Variants in NRG1 observed in about 807,000 individuals in gnomAD.
NRG1 encodes the protein neuregulin 1.
A neutral mutation model predicts 63.8 loss-of-function variants in NRG1; 18 were observed. That is an observed-to-expected ratio of 0.28 (90% CI 0.19 to 0.42). The LOEUF is 0.42. Ranked by LOEUF, NRG1 falls within the 10% of genes least tolerant of loss-of-function variation. The pLI is 1.00. For synonymous variants in NRG1, 302 were observed against 301.3 expected, an observed-to-expected ratio of 1.00 and a Z score of -0.02; for missense variants, 762 against 814.7, an observed-to-expected ratio of 0.94 and a Z score of 0.79.
chr8:31,767,154 T>C (rs1463233047), intron 1 of NRG1, among the ~76,000 whole-genome samples: 2 of 152,168 alleles, frequency 1.3e-5, no homozygotes, highest in Non-Finnish European at 2.9e-5. Context: ...TGACCGCCAT[T>C]GTGAGTAGGC....
chr8:32,588,644 C>T (rs1842033425), intron 1 of NRG1, among the ~76,000 whole-genome samples: 1 of 152,176 alleles, frequency 6.6e-6, no homozygotes, highest in Non-Finnish European at 1.5e-5. Context: ...TTCATATACA[C>T]ATCGTTGGAT....
At chr8:32,644,093 T>A (rs2129546205) in intron 5 of NRG1, among the ~76,000 whole-genome samples, 1 of 152,168 alleles carries the variant, frequency 6.6e-6, no homozygotes. Flanking sequence ...AAATTTAAGA[T>A]AAATATGGAC....
chr8:32,426,423 C>T (rs1817379821), intron 1 of NRG1, among the ~76,000 whole-genome samples: 1 of 152,064 alleles, frequency 6.6e-6, no homozygotes, highest in South Asian at 2.1e-4. Context: ...TTTTCTGACG[C>T]AAAATATTGT....
intron 7 of NRG1, among the ~76,000 whole-genome samples, chr8:32,748,090 C>T (rs182239660): frequency 2.0e-5 from 3 of 152,190 alleles, no homozygotes; most frequent in Admixed American, 2.0e-4. Context: ...CCAGCACACT[C>T]ATCTCCTGCT....
At chr8:32,376,113 G>A (rs191931268) in intron 1 of NRG1, among the ~76,000 whole-genome samples, 109 of 152,104 alleles carry the variant, frequency 7.2e-4, no homozygotes, top group Non-Finnish European at 1.9e-4. Flanking sequence ...ATAAAACTAG[G>A]TATAACAATG....
chr8:32,376,078 T>A (rs1006196017), intron 1 of NRG1, among the ~76,000 whole-genome samples: 1 of 152,218 alleles, frequency 6.6e-6, no homozygotes, highest in Non-Finnish European at 1.5e-5. Flanking sequence ...ATCTTATTTC[T>A]TTTCAAAGGA....
At chr8:32,383,059 TAA>T (rs56030067) in intron 1 of NRG1, among the ~76,000 whole-genome samples, 23 of 126,448 alleles carry the variant, frequency 1.8e-4, no homozygotes, top group African/African-American at 2.6e-4. Flanking sequence ...TCGTCCCTAC[TAA>T]AAAAAAAAAA....
intron 1 of NRG1, among the ~76,000 whole-genome samples, chr8:31,936,218 A>T (rs1835287430): frequency 6.6e-6 from 1 of 152,240 alleles, no homozygotes; most frequent in Non-Finnish European, 1.5e-5. Context: ...CTATTTAAGT[A>T]TTAAGTATAT....
intron 1 of NRG1, among the ~76,000 whole-genome samples, chr8:32,210,462 G>A (rs1197292472): frequency 3.3e-5 from 5 of 152,186 alleles, no homozygotes. Flanking sequence ...AAAGGGTCTT[G>A]AAGATCCATG....
intron 7 of NRG1, among the ~76,000 whole-genome samples, chr8:32,748,356 CACAGAG>C (rs747838827): frequency 5.4e-4 from 44 of 81,070 alleles, no homozygotes; most frequent in South Asian, 3.7e-3. Context: ...CACACACACA[CACAGAG>C]AGAGAGAGAG....
chr8:32,240,615 A>G (rs994073388), intron 1 of NRG1, among the ~76,000 whole-genome samples: 1 of 152,094 alleles, frequency 6.6e-6, no homozygotes. Flanking sequence ...TAAATGTCAA[A>G]TCTTTGGTTA....
At chr8:31,654,772 T>C (rs1805261736) in intron 1 of NRG1, among the ~76,000 whole-genome samples, 1 of 152,100 alleles carries the variant, frequency 6.6e-6, no homozygotes, top group Admixed American at 6.5e-5. Flanking sequence ...GCCCTGTCTG[T>C]GCAGAAACAA....
At chr8:32,593,041 G>T (rs1289567314) in intron 1 of NRG1, among the ~76,000 whole-genome samples, 1 of 152,192 alleles carries the variant, frequency 6.6e-6, no homozygotes, top group Non-Finnish European at 1.5e-5. Context: ...TTCATCAGGT[G>T]AAAGTGGATC....
At chr8:32,536,223 A>T (rs1831952130) in intron 1 of NRG1, among the ~76,000 whole-genome samples, 1 of 152,156 alleles carries the variant, frequency 6.6e-6, no homozygotes, top group South Asian at 2.1e-4. Flanking sequence ...TGGAGTGTGG[A>T]GTCCTCTTCC....
Position 32,760,354 on chromosome 8 carries a change from AG to A in NRG1, c.1209del (p.Arg403SerfsTer23). The A allele has an allele frequency of 6.2e-7, 1 of 1,614,026 alleles. No individual in the cohort carries two copies. Among genetic ancestry groups the A allele is most frequent in the Non-Finnish European group, 8.5e-7 (1 of 1,179,940 alleles). ...CCCTCGTGAATGTAACAGCTTCCTC[AG>A]GCATGCCAGAGAAACCCCTGATTCC... On this transcript the variant is annotated frameshift_variant, in exon 11 of 12. Transcript: ENST00000356819. LOFTEE classifies it high-confidence loss of function.
At chr8:31,881,995 G>A (rs959774768) in intron 1 of NRG1, among the ~76,000 whole-genome samples, 1 of 152,132 alleles carries the variant, frequency 6.6e-6, no homozygotes, top group East Asian at 1.9e-4. Flanking sequence ...ATTGATGAAG[G>A]TGGCTACACT....
chr8:32,131,433 T>C (rs182158113), intron 1 of NRG1, among the ~76,000 whole-genome samples: 1 of 152,000 alleles, frequency 6.6e-6, no homozygotes, highest in Non-Finnish European at 1.5e-5. Context: ...TTCATCTTCA[T>C]GTTGAGTAGA....
intron 5 of NRG1, among the ~76,000 whole-genome samples, chr8:32,714,093 G>A (rs1016662036): frequency 6.6e-6 from 1 of 152,042 alleles, no homozygotes; most frequent in Admixed American, 6.6e-5. Context: ...CCAAAGTGCT[G>A]GGATTACAAG....
chr8:32,716,111 T>C (rs374122758), intron 5 of NRG1, among the ~76,000 whole-genome samples: 4 of 152,330 alleles, frequency 2.6e-5, no homozygotes, highest in South Asian at 2.1e-4. Flanking sequence ...CCTGCATATG[T>C]CTCTCCATTA....
Sources: allele counts gnomAD v4.1 joint callset (sites outside exome capture counted in the v4.1 genomes callset), GRCh38; gene constraint gnomAD v4.1.1; transcripts MANE v1.5; gene names NCBI Gene and HGNC (gene_info 2026-07-23, HGNC 2026-07-21).